The following VPS4A variants were observed in gnomAD, a reference collection of about 807,000 sequenced individuals.
VPS4A encodes vacuolar protein sorting 4 homolog A.
VPS4A carries 20 observed loss-of-function variants against 52.3 expected under a neutral mutation model. The ratio of observed to expected loss-of-function variants is 0.38; its 90% CI spans 0.27 to 0.56. The LOEUF (loss-of-function observed/expected upper bound fraction) is 0.56. Among genes scored for constraint, VPS4A ranks in the 20% least tolerant of loss-of-function variants. The probability of loss-of-function intolerance (pLI) is 0.72; values close to 1 mark genes in which losing one functional copy is unlikely to be tolerated. For missense variants in VPS4A, 419 were observed against 575.9 expected (o/e 0.73, Z 2.79); for synonymous variants, 293 against 227.7 (o/e 1.29, Z -2.58).
intron 10 of VPS4A, chr16:69,322,952 C>G: frequency 3.9e-6 from 1 of 253,592 alleles, no homozygotes; most frequent in Non-Finnish European, 7.5e-6. Context: ...CTTGTAGTCC[C>G]AGCTACTCAG....
intron 1 of VPS4A, 106 bp downstream of exon 1, chr16:69,311,638 G>A (rs1323589818): frequency 1.8e-6 from 2 of 1,139,638 alleles, no homozygotes; most frequent in Admixed American, 9.0e-5. Context: ...TCCCAGCCCC[G>A]GCCTCGCGAC....
At chr16:69,311,882 G>T (rs994865700) in intron 1 of VPS4A, among the ~76,000 whole-genome samples, 1 of 152,048 alleles carries the variant, frequency 6.6e-6, no homozygotes, top group African/African-American at 2.4e-5. Context: ...AGCGATGCTC[G>T]CTCCCTCCTC....
intron 9 of VPS4A, chr16:69,322,341 A>AAC: frequency 2.2e-6 from 1 of 456,136 alleles, no homozygotes. Flanking sequence ...TGACAGTGTT[A>AAC]ATGAGGAAGA....
At chr16:69,318,263 G>A (rs760364559) in intron 3 of VPS4A, among the ~76,000 whole-genome samples, 4 of 152,252 alleles carry the variant, frequency 2.6e-5, no homozygotes, top group Non-Finnish European at 4.4e-5. Context: ...GTGAGCCACC[G>A]CACCCAGCCT....
In VPS4A at chr16:69,320,061, G is replaced by A; in HGVS notation, c.621-80G>A. The A allele has an allele frequency of 1.3e-6, 2 of 1,510,756 alleles. No individual in the cohort carries two copies. Among genetic ancestry groups the A allele is most frequent in the Middle Eastern group, 2.2e-4 (1 of 4,522 alleles). 93.6% of individuals were successfully genotyped at this position (1,510,756 alleles called of 1,614,324 possible). ...TGGCCTGCGCCTCCCTGTGGGAAGG[G>A]TGAGAAGAGGGAAGTGCCGGGAGCC... On this transcript the variant is annotated intron_variant, in intron 6 of 10. Transcript: ENST00000254950. This position sits in a 1 kb window ranked among gnomAD's most constrained non-coding sequence, Gnocchi z 4.2.
chr16:69,314,605 G>A (rs1965413548), intron 1 of VPS4A, among the ~76,000 whole-genome samples: 1 of 152,134 alleles, frequency 6.6e-6, no homozygotes, highest in Non-Finnish European at 1.5e-5. Context: ...TGAAAATAAT[G>A]GCCAGCACTC....
Position 69,321,393 on chromosome 16 carries a change from T to G in VPS4A, c.1071+123T>G. The stretch of plus-strand genomic sequence containing the variant: ...AGGTGACACAGTCTCTGAGGCCTCC[T>G]GGAGAGCCGAGGGCCAGTGCCATGG... On this transcript the variant is annotated intron_variant, in intron 9 of 10. Coordinates refer to ENST00000254950, the MANE Select transcript of VPS4A (RefSeq NM_013245.3). This position sits in a 1 kb window ranked among gnomAD's most constrained non-coding sequence, Gnocchi z 4.5. 3.6e-6 allele frequency: 4 copies of G among 1,107,500 alleles called. No individual in the cohort carries two copies. Among genetic ancestry groups the G allele is most frequent in the South Asian group, 1.6e-5 (1 of 64,170 alleles). 68.6% of individuals were successfully genotyped at this position (1,107,500 alleles called of 1,614,324 possible).
In VPS4A at chr16:69,316,118, G is replaced by A; in HGVS notation, c.132G>A (p.Lys44=). 1 of 1,613,394 alleles carries A rather than the reference G, an allele frequency of 6.2e-7. No homozygotes were observed. Among genetic ancestry groups the A allele is most frequent in the Non-Finnish European group, 8.5e-7 (1 of 1,179,862 alleles). The change falls in exon 2 of 11, where the codon AAG becomes AAA. Residue 44 remains lysine, a splice_region_variant and synonymous_variant. Coordinates refer to ENST00000254950, the MANE Select transcript of VPS4A (RefSeq NM_013245.3). ...HAVEYFLHAI[K]YEAHSDKAKE... ...TGGAGTACTTCCTCCACGCTATCAAGTGTGAGTCACACGAGGGGTCCTCAG... is the reference window on the plus strand; with the variant it reads ...TGGAGTACTTCCTCCACGCTATCAAATGTGAGTCACACGAGGGGTCCTCAG...
chr16:69,316,574 G>C (rs151018943), intron 3 of VPS4A, among the ~76,000 whole-genome samples: 19 of 152,260 alleles, frequency 1.2e-4, no homozygotes, highest in Non-Finnish European at 1.8e-4. Flanking sequence ...ACAAGCCATG[G>C]GGAGAGGGGG....
rs1406826311 is a variant in VPS4A at position 69,316,066 on chromosome 16, A to C, written c.80A>C (p.Glu27Ala). The change falls in exon 2 of 11, where the codon GAG becomes GCG. Residue 27 changes from glutamate to alanine, a missense_variant. Coordinates refer to ENST00000254950, the MANE Select transcript of VPS4A (RefSeq NM_013245.3). ...TEEDKAKNYE[E>A]ALRLYQHAVE... ...GAGGACAAAGCCAAGAACTACGAGGAGGCGCTGCGGCTGTACCAGCATGCG... is the reference window on the plus strand; with the variant it reads ...GAGGACAAAGCCAAGAACTACGAGGCGGCGCTGCGGCTGTACCAGCATGCG... 1.2e-5 allele frequency: 20 copies of C among 1,613,474 alleles called. No homozygotes were observed. Among genetic ancestry groups the C allele is most frequent in the Non-Finnish European group, 1.5e-5 (18 of 1,179,892 alleles).
Position 69,321,186 on chromosome 16 carries a change from C to T in VPS4A, c.987C>T (p.Tyr329=). 1 of 1,573,830 alleles carries T rather than the reference C, an allele frequency of 6.4e-7. No individual in the cohort carries two copies. Among genetic ancestry groups the T allele is most frequent in the Non-Finnish European group, 8.6e-7 (1 of 1,160,308 alleles). ...IHELARKTEG[Y]SGADISIIVR... ...AGCTGGCCCGGAAGACGGAAGGCTA[C>T]TCGGGCGCGGACATCAGCATCATCG... The change falls in exon 9 of 11, where the codon TAC becomes TAT. Residue 329 remains tyrosine (Y), a synonymous_variant. Transcript: ENST00000254950. The surrounding 1 kb of genome is among the most constrained non-coding windows in gnomAD (Gnocchi z 4.5).
In VPS4A at chr16:69,321,619, A is replaced by G; in HGVS notation, c.1071+349A>G. The G allele has an allele frequency of 6.4e-6, 2 of 310,926 alleles. No individual in the cohort carries two copies. The highest frequency in any genetic ancestry group is 1.2e-5 in the Non-Finnish European group (2 of 161,392). The allele number at this position is 310,926 out of a possible 1,614,324, so 19.3% of individuals were successfully genotyped here. ...ATAAAATGACCAGGAAGACCTGTCT[A>G]TTCATTCAGCAGATCTCTGCTGAGT... On this transcript the variant is annotated intron_variant, in intron 9 of 10. Coordinates refer to ENST00000254950, the MANE Select transcript of VPS4A (RefSeq NM_013245.3). The surrounding 1 kb of genome is among the most constrained non-coding windows in gnomAD (Gnocchi z 4.5).
At position 69,320,638 on chromosome 16, in the gene VPS4A, G is replaced by T; in HGVS notation, c.770-50G>T. On this transcript the variant is annotated intron_variant, in intron 7 of 10. Transcript: ENST00000254950. The surrounding 1 kb of genome is among the most constrained non-coding windows in gnomAD (Gnocchi z 4.2). ...CGGGGTCTGTCCCCAGGTTTCAACT[G>T]ACCCGTGCAGGTGTCCAGAGTCTGA... The T allele has an allele frequency of 1.3e-6, 2 of 1,516,128 alleles. No individual in the cohort carries two copies. The highest frequency in any genetic ancestry group is 1.2e-5 in the South Asian group (1 of 82,880). 93.9% of individuals were successfully genotyped at this position (1,516,128 alleles called of 1,614,324 possible).
In VPS4A at chr16:69,316,135, G is replaced by A. The variant is rs375721954; in HGVS notation, c.133+16G>A. The A allele has an allele frequency of 2.1e-5, 34 of 1,612,996 alleles. No individual in the cohort carries two copies. The highest frequency in any genetic ancestry group is 2.8e-5 in the Non-Finnish European group (33 of 1,179,732). On this transcript the variant is annotated intron_variant, in intron 2 of 10. Coordinates refer to ENST00000254950, the MANE Select transcript of VPS4A (RefSeq NM_013245.3). ...GCTATCAAGTGTGAGTCACACGAGG[G>A]GTCCTCAGGCTGCCGCACTCCAGAG... is the stretch of plus-strand genomic sequence containing the variant.
Position 69,318,828 on chromosome 16 carries a change from G to C in VPS4A, c.349G>C (p.Val117Leu). 6.2e-7 allele frequency: 1 copy of C among 1,613,116 alleles called. No individual in the cohort carries two copies. Among genetic ancestry groups the C allele is most frequent in the Non-Finnish European group, 8.5e-7 (1 of 1,179,540 alleles). Residue 117 changes from valine to leucine, a missense_variant, in exon 5 of 11, where the codon GTC (valine) becomes CTC (leucine). Val to Leu is a conservative substitution (Grantham distance 32, BLOSUM62 1). This residue lies in a region of VPS4A where 131 missense variants were observed against 165.4 expected (regional missense o/e 0.79). Coordinates refer to ENST00000254950, the MANE Select transcript of VPS4A (RefSeq NM_013245.3). Reference sequence around the variant, plus strand: ...GGCCGGCCTCCCTCTCGCAGGTGCCGTCGTGATGGAGAAGCCCAACATACG... The same window carrying C: ...GGCCGGCCTCCCTCTCGCAGGTGCCCTCGTGATGGAGAAGCCCAACATACG... Reference protein sequence around the residue: ...KKLQEQLMGAVVMEKPNIRWN... With the variant: ...KKLQEQLMGALVMEKPNIRWN...
In VPS4A at chr16:69,311,352, C is replaced by T. The variant is rs535215700; in HGVS notation, c.-160C>T. 6 of 750,482 alleles carry T rather than the reference C, an allele frequency of 8.0e-6. No individual in the cohort carries two copies. The highest frequency in any genetic ancestry group is 4.6e-5 in the Admixed American group (1 of 21,648). The allele number at this position is 750,482 out of a possible 1,614,324, so 46.5% of individuals were successfully genotyped here. A position where few individuals can be genotyped will look rare whatever the true frequency, so the allele number is the denominator to read the frequency against. Reference sequence around the variant, plus strand: ...GCTCTGGGCTGCGCTCCTCGCTTGCCCTCGGACTCGGCTCCCGCTGCGAGC... The same window carrying T: ...GCTCTGGGCTGCGCTCCTCGCTTGCTCTCGGACTCGGCTCCCGCTGCGAGC... On this transcript the variant is annotated 5_prime_UTR_variant, in exon 1 of 11. Transcript: ENST00000254950.
chr16:69,320,079 C>T lies in VPS4A; in HGVS notation c.621-62C>T, dbSNP rs1044538150. ...GGGAAGGGTGAGAAGAGGGAAGTGC[C>T]GGGAGCCCAGGCGGGCACGGACGTG... On this transcript the variant is annotated intron_variant, in intron 6 of 10. Coordinates refer to ENST00000254950, the MANE Select transcript of VPS4A (RefSeq NM_013245.3). This position sits in a 1 kb window ranked among gnomAD's most constrained non-coding sequence, Gnocchi z 4.2. The T allele has an allele frequency of 1.9e-5, 29 of 1,546,686 alleles. No individual in the cohort carries two copies. The highest frequency in any genetic ancestry group is 9.5e-5 in the East Asian group (4 of 42,168).
In VPS4A at chr16:69,326,041, G is replaced by A. The variant is rs1965590299; in HGVS notation, c.*1732G>A. ...CACGTTTACCCCATGCATATAAACAGACCAAAGTCAAAGCACATTCACACA... is the reference window on the plus strand; with the variant it reads ...CACGTTTACCCCATGCATATAAACAAACCAAAGTCAAAGCACATTCACACA... On this transcript the variant is annotated 3_prime_UTR_variant, in exon 11 of 11. Transcript: ENST00000254950. The A allele has an allele frequency of 1.3e-5, 2 of 152,284 alleles. No individual in the cohort carries two copies. Among genetic ancestry groups the A allele is most frequent in the Non-Finnish European group, 2.9e-5 (2 of 68,082 alleles). 9.4% of individuals were successfully genotyped at this position (152,284 alleles called of 1,614,324 possible). A position where few individuals can be genotyped will look rare whatever the true frequency, so the allele number is the denominator to read the frequency against.
chr16:69,322,515 T>TGACA, intron 9 of VPS4A, 45 bp from the exon 10 acceptor site: 1 of 1,579,866 alleles, frequency 6.3e-7, no homozygotes, highest in Non-Finnish European at 8.6e-7. Context: ...CGAGCCCCTC[T>TGACA]GACACTGAGG....
Sources: gnomAD v4.1 joint callset for allele counts (sites outside exome capture counted in the v4.1 genomes callset) on GRCh38, gnomAD v4.1.1 for gene constraint, gnomAD v4.1.1 regional missense constraint, Gnocchi (gnomAD v3.1) non-coding constraint, MANE v1.5 for transcripts, NCBI Gene and HGNC (gene_info 2026-07-23, HGNC 2026-07-21) for gene names.